VDAC1: variants seen among roughly 807,000 people sequenced by gnomAD.
VDAC1 encodes voltage dependent anion channel 1.
VDAC1 carries 10 observed loss-of-function variants against 34.7 expected under a neutral mutation model. That is an observed-to-expected ratio of 0.29 (90% confidence interval 0.18 to 0.49). VDAC1 has a LOEUF of 0.49. Among genes scored for constraint, VDAC1 ranks in the 20% least tolerant of loss-of-function variants. VDAC1 has a pLI of 0.99. For missense variants in VDAC1, 230 were observed against 347.9 expected (o/e 0.66, Z 2.69); for synonymous variants, 130 against 136.0 (o/e 0.96, Z 0.30).
At chr5:133,978,166 TTC>T (rs1752549278) in intron 6 of VDAC1, among the ~76,000 whole-genome samples, 1 of 145,862 alleles carries the variant, frequency 6.9e-6, no homozygotes, top group South Asian at 2.2e-4. Flanking sequence ...ATTCTAAATT[TTC>T]TTTTTTTTTT....
chr5:134,002,387 T>G (rs1053127673), intron 1 of VDAC1, among the ~76,000 whole-genome samples: 18 of 152,008 alleles, frequency 1.2e-4, no homozygotes, highest in African/African-American at 2.4e-4. Context: ...GGCACCCTAC[T>G]CAGGACAACC....
At chr5:134,036,909 C>T in the VDAC1 span, among the ~76,000 whole-genome samples, 868 of 151,744 alleles carry the variant, frequency 5.7e-3, 8 homozygotes, top group African/African-American at 0.02. Flanking sequence ...GCCTAGATCA[C>T]GCCACTGCAC....
chr5:134,056,237 G>A, the VDAC1 span, among the ~76,000 whole-genome samples: 245 of 61,214 alleles, frequency 4.0e-3, 3 homozygotes, highest in African/African-American at 0.022. Context: ...GTGAAACTCC[G>A]TCTCAAAAAA....
the VDAC1 span, among the ~76,000 whole-genome samples, chr5:134,076,749 A>G: frequency 6.6e-6 from 1 of 152,030 alleles, no homozygotes; most frequent in Non-Finnish European, 1.5e-5. Context: ...ATATCATACC[A>G]TCCAAAGACT....
At chr5:133,995,913 C>G (rs1237770509) in intron 1 of VDAC1, among the ~76,000 whole-genome samples, 1 of 152,232 alleles carries the variant, frequency 6.6e-6, no homozygotes, top group African/African-American at 2.4e-5. Flanking sequence ...AGGCTGAACC[C>G]TGGCCCCCAC....
At chr5:134,067,050 T>C in the VDAC1 span, among the ~76,000 whole-genome samples, 1 of 152,112 alleles carries the variant, frequency 6.6e-6, no homozygotes, top group South Asian at 2.1e-4. Context: ...TCCCCCTCTT[T>C]TCCTGCTTTT....
chr5:134,066,329 G>A, the VDAC1 span, among the ~76,000 whole-genome samples: 4 of 152,170 alleles, frequency 2.6e-5, no homozygotes, highest in African/African-American at 9.7e-5. Flanking sequence ...ACGTTTTACA[G>A]TCTCTGTTGT....
At chr5:134,056,623 A>C in the VDAC1 span, among the ~76,000 whole-genome samples, 1 of 152,084 alleles carries the variant, frequency 6.6e-6, no homozygotes, top group African/African-American at 2.4e-5. Context: ...ATTCTTGAAC[A>C]TAACTTTTTG....
chr5:134,099,294 G>T, the VDAC1 span, among the ~76,000 whole-genome samples: 1 of 152,204 alleles, frequency 6.6e-6, no homozygotes, highest in African/African-American at 2.4e-5. Context: ...TGTCACTGCA[G>T]AACTGCTCTT....
At chr5:133,973,684 A>C (rs1752379730) in intron 8 of VDAC1, 107 bp downstream of exon 8, 1 of 933,424 alleles carries the variant, frequency 1.1e-6, no homozygotes, top group African/African-American at 1.7e-5. Context: ...ATTTATATAT[A>C]CCCACTGTAT....
At chr5:133,999,666 C>A (rs1355488878) in intron 1 of VDAC1, among the ~76,000 whole-genome samples, 1 of 152,132 alleles carries the variant, frequency 6.6e-6, no homozygotes, top group East Asian at 1.9e-4. Context: ...ACAGCTCCTG[C>A]CAAGAAGCTC....
At chr5:134,098,810 C>G in the VDAC1 span, among the ~76,000 whole-genome samples, 1 of 152,214 alleles carries the variant, frequency 6.6e-6, no homozygotes, top group African/African-American at 2.4e-5. Flanking sequence ...GTTGAGTCAC[C>G]TGGGGAGGGA....
At chr5:134,063,640 C>T in the VDAC1 span, among the ~76,000 whole-genome samples, 2 of 152,110 alleles carry the variant, frequency 1.3e-5, no homozygotes, top group African/African-American at 4.8e-5. Context: ...ACAGCCAGCA[C>T]CAACTGCTAG....
Position 133,990,841 on chromosome 5 carries a change from G to C in VDAC1, c.323+14C>G. On this transcript the variant is annotated intron_variant, in intron 5 of 8. Coordinates refer to ENST00000265333, the MANE Select transcript of VDAC1 (RefSeq NM_003374.3). ...AGAGAACATCCTTGTGGAGAAAACA[G>C]ATGAAACTCTTACCCAGTGTTAGGT... 6.5e-7 allele frequency: 1 copy of C among 1,530,530 alleles called. No homozygotes were observed. Among genetic ancestry groups the C allele is most frequent in the Non-Finnish European group, 8.8e-7 (1 of 1,139,588 alleles). The allele number at this position is 1,530,530 out of a possible 1,614,324, so 94.8% of individuals were successfully genotyped here. A position where few individuals can be genotyped will look rare whatever the true frequency, so the allele number is the denominator to read the frequency against.
chr5:134,046,203 A>AT, the VDAC1 span, among the ~76,000 whole-genome samples: 6 of 148,540 alleles, frequency 4.0e-5, no homozygotes, highest in African/African-American at 1.5e-4. Context: ...TTTTTTTTCT[A>AT]TTTTTTAGTA....
intron 6 of VDAC1, 122 bp downstream of exon 6, chr5:133,980,607 T>C: frequency 1.2e-6 from 1 of 850,712 alleles, no homozygotes. Flanking sequence ...CAAACTCACT[T>C]TACAGTGGTT....
At chr5:134,066,850 T>C in the VDAC1 span, among the ~76,000 whole-genome samples, 36 of 152,314 alleles carry the variant, frequency 2.4e-4, no homozygotes, top group African/African-American at 7.9e-4. Flanking sequence ...TCTGGTCACA[T>C]ACCACTGGCC....
chr5:134,027,757 A>G, the VDAC1 span, among the ~76,000 whole-genome samples: 2 of 145,110 alleles, frequency 1.4e-5, no homozygotes, highest in African/African-American at 5.1e-5. Context: ...TCATTTCCAG[A>G]TCTTGCCTAC....
chr5:134,072,396 G>A, the VDAC1 span, among the ~76,000 whole-genome samples: 1 of 152,168 alleles, frequency 6.6e-6, no homozygotes, highest in Non-Finnish European at 1.5e-5. Context: ...CATCTCACAG[G>A]ATTTGTGGTC....
Sources: allele counts gnomAD v4.1 joint callset (sites outside exome capture counted in the v4.1 genomes callset), GRCh38; gene constraint gnomAD v4.1.1; transcripts MANE v1.5; gene names NCBI Gene and HGNC (gene_info 2026-07-23, HGNC 2026-07-21).